FER1L6: variants seen among roughly 807,000 people sequenced by gnomAD.
FER1L6 encodes the protein fer-1 like family member 6.
A neutral mutation model predicts 219.2 loss-of-function variants in FER1L6; 177 were observed. The ratio of observed to expected loss-of-function variants is 0.81; its 90% CI spans 0.71 to 0.91. The LOEUF is 0.91. Among genes scored for constraint, FER1L6 ranks in the 40% least tolerant of loss-of-function variants. The pLI is 0.00. For missense variants in FER1L6, 2,153 were observed against 2,259.9 expected, an observed-to-expected ratio of 0.95 and a Z score of 0.96; for synonymous variants, 768 against 824.3, an observed-to-expected ratio of 0.93 and a Z score of 1.17.
At chr8:123,913,345 T>C (rs1019970650) in intron 1 of FER1L6, among the ~76,000 whole-genome samples, 1 of 152,154 alleles carries the variant, frequency 6.6e-6, no homozygotes, top group Non-Finnish European at 1.5e-5. Flanking sequence ...CACACACACA[T>C]ATATATTTGA....
At chr8:123,947,708 A>G (rs1023649221) in intron 1 of FER1L6, among the ~76,000 whole-genome samples, 11 of 152,198 alleles carry the variant, frequency 7.2e-5, no homozygotes, top group Non-Finnish European at 1.5e-4. Context: ...AATAAAGGAG[A>G]AGGATGTTTT....
chr8:124,103,071 G>A, intron 38 of FER1L6, 75 bp from the exon 39 acceptor site: 1 of 1,287,652 alleles, frequency 7.8e-7, no homozygotes, highest in Admixed American at 1.8e-5. Context: ...ATGAATGAAT[G>A]AGGATGGTGA....
chr8:123,965,341 C>T (rs1815488449), intron 3 of FER1L6, among the ~76,000 whole-genome samples: 1 of 152,206 alleles, frequency 6.6e-6, no homozygotes, highest in Non-Finnish European at 1.5e-5. Flanking sequence ...AACAGGAACT[C>T]AAGCTCAGTT....
intron 12 of FER1L6, among the ~76,000 whole-genome samples, chr8:123,988,967 A>G (rs1816725847): frequency 6.6e-6 from 1 of 152,144 alleles, no homozygotes; most frequent in African/African-American, 2.4e-5. Context: ...TGGGTCTGTC[A>G]TATATCGCTT....
At chr8:123,896,920 C>T (rs117543790) in intron 1 of FER1L6, among the ~76,000 whole-genome samples, 1,821 of 152,240 alleles carry the variant, frequency 0.012, 20 homozygotes, top group South Asian at 0.033. Context: ...CTCGCCGAAG[C>T]CCATCTTGGC....
Position 124,035,447 on chromosome 8 carries a change from C to T in FER1L6, c.2457C>T (p.Leu819=), listed in dbSNP as rs762272998. ...CCAATCACCCCCCATCTAACCTGCT[C>T]TACCAAGGTAGGGTCCCCACTGGGC... ...AGTNHPPSNL[L]YQEQHVFQLR... Residue 819 remains leucine, a synonymous_variant, in exon 19 of 41, where the codon CTC becomes CTT. Transcript: ENST00000522917. 18 of 1,612,468 alleles carry T rather than the reference C, an allele frequency of 1.1e-5. No homozygotes were observed. In the East Asian group the frequency reaches 1.3e-4, roughly 12 times the overall value.
At chr8:123,946,284 C>T (rs890422801) in intron 1 of FER1L6, among the ~76,000 whole-genome samples, 1 of 152,170 alleles carries the variant, frequency 6.6e-6, no homozygotes, top group East Asian at 1.9e-4. Flanking sequence ...TGGAGTCTCA[C>T]TTTGTCATGC....
intron 39 of FER1L6, among the ~76,000 whole-genome samples, chr8:124,104,073 T>A (rs1428689701): frequency 6.6e-6 from 1 of 152,172 alleles, no homozygotes. Flanking sequence ...GGGATTCCCC[T>A]AGTACCTCAC....
chr8:123,935,735 C>T (rs1813960339), intron 1 of FER1L6, among the ~76,000 whole-genome samples: 1 of 152,008 alleles, frequency 6.6e-6, no homozygotes, highest in Admixed American at 6.6e-5. Context: ...TAATTAAAAC[C>T]ACAAGTTAAA....
At chr8:123,926,376 C>T (rs1045002904) in intron 1 of FER1L6, among the ~76,000 whole-genome samples, 3 of 152,170 alleles carry the variant, frequency 2.0e-5, no homozygotes, top group African/African-American at 7.2e-5. Context: ...AGTAGGTGGC[C>T]CATGCAGTTT....
intron 22 of FER1L6, 147 bp downstream of exon 22, chr8:124,049,903 C>A: frequency 5.4e-6 from 4 of 744,316 alleles, no homozygotes; most frequent in Admixed American, 2.3e-5. Context: ...CTGAGAGGTG[C>A]GCTTAAGAAC....
chr8:123,990,043 C>T (rs865982352), intron 12 of FER1L6, among the ~76,000 whole-genome samples: 8 of 151,954 alleles, frequency 5.3e-5, no homozygotes, highest in South Asian at 2.1e-4. Flanking sequence ...CCGAGGTGGG[C>T]GGATCACGAG....
chr8:123,962,784 T>C (rs1815352275), intron 2 of FER1L6, among the ~76,000 whole-genome samples: 1 of 152,100 alleles, frequency 6.6e-6, no homozygotes, highest in Non-Finnish European at 1.5e-5. Flanking sequence ...TCTGCCACCA[T>C]GCCCGGCTAA....
At chr8:123,950,294 G>C (rs536771516) in intron 1 of FER1L6, among the ~76,000 whole-genome samples, 1 of 152,340 alleles carries the variant, frequency 6.6e-6, no homozygotes, top group Non-Finnish European at 1.5e-5. Flanking sequence ...ATGGAGGCCA[G>C]TGACCTCAGG....
Position 124,091,541 on chromosome 8 carries a change from C to T in FER1L6, c.4510C>T (p.Gln1504Ter), listed in dbSNP as rs377046476. 22 of 1,613,906 alleles carry T rather than the reference C, an allele frequency of 1.4e-5. No homozygotes were observed. The African/African-American group carries it at 2.8e-4, about 21-fold the overall frequency. ...FHPGKIQIGN[Q>*]VFSGKTIFTE... is the part of the protein sequence containing the mutation. ...CCCTGGGAAAATACAGATAGGAAAC[C>T]AAGTCTTTTCTGGAAAAACTATCTT... The change falls in exon 34 of 41, where the codon CAA becomes TAA. Residue 1504 changes from glutamine (Q) to a stop codon, truncating the protein, a stop_gained. Transcript: ENST00000522917. LOFTEE classifies it high-confidence loss of function.
At chr8:123,969,967 A>G (rs1815723580) in intron 5 of FER1L6, 68 bp from the exon 6 acceptor site, 2 of 1,243,978 alleles carry the variant, frequency 1.6e-6, no homozygotes, top group East Asian at 4.6e-5. Flanking sequence ...ATCTAAATCC[A>G]CTCCAAGGAC....
intron 1 of FER1L6, among the ~76,000 whole-genome samples, chr8:123,944,027 C>T (rs756754812): frequency 1.3e-5 from 2 of 151,902 alleles, no homozygotes; most frequent in Non-Finnish European, 2.9e-5. Context: ...TTTACTGAAG[C>T]CTTGAGACCT....
chr8:123,971,237 G>A (rs1408590969), intron 6 of FER1L6, among the ~76,000 whole-genome samples: 1 of 152,168 alleles, frequency 6.6e-6, no homozygotes, highest in East Asian at 1.9e-4. Flanking sequence ...GGTAAATAGT[G>A]GAATTATGAC....
chr8:124,026,510 A>G (rs1818713854), intron 18 of FER1L6, among the ~76,000 whole-genome samples: 1 of 152,150 alleles, frequency 6.6e-6, no homozygotes, highest in South Asian at 2.1e-4. Context: ...TATAGGAGAG[A>G]GAGAGATCCA....
Sources: gnomAD v4.1 joint callset for allele counts (sites outside exome capture counted in the v4.1 genomes callset) on GRCh38, gnomAD v4.1.1 for gene constraint, MANE v1.5 for transcripts, NCBI Gene and HGNC (gene_info 2026-07-23, HGNC 2026-07-21) for gene names.